CDH13: variants seen among roughly 807,000 people sequenced by gnomAD.
The protein encoded by CDH13 is cadherin-13.
CDH13 carries 24 observed loss-of-function variants against 63.8 expected under a neutral mutation model. The observed-to-expected ratio is 0.38, with a 90% CI of 0.27 to 0.53. The LOEUF is 0.53. Ranked by LOEUF, CDH13 falls within the 20% of genes least tolerant of loss-of-function variation. The pLI, the probability that CDH13 is intolerant of heterozygous loss-of-function variation, is 0.85. For missense variants in CDH13, 1,049 were observed against 903.1 expected (o/e 1.16, Z -2.07); for synonymous variants, 503 against 355.3 (o/e 1.42, Z -4.67).
Position 83,458,445 on chromosome 16 carries a change from C to T in CDH13, c.782-28032C>T, listed in dbSNP as rs560800490. ...GTGTAGTCCTCTTATATTTTCCTTT[C>T]CTTAAATATAACTACATATCTACAG... On this transcript the variant is annotated intron_variant, in intron 6 of 13. Coordinates refer to ENST00000567109, the MANE Select transcript of CDH13 (RefSeq NM_001257.5). Among the ~76,000 whole-genome samples, 18 of 152,262 alleles carry T rather than the reference C, an allele frequency of 1.2e-4. 1 individual carries two copies. In the South Asian group the frequency reaches 3.7e-3, roughly 32 times the overall value.
rs189802598 is a variant in CDH13 at position 83,042,119 on chromosome 16, G to A, written c.366+9901G>A. 2.1e-3 allele frequency among the ~76,000 whole-genome samples: 317 copies of A among 152,274 alleles called. 1 individual carries two copies. The highest frequency in any genetic ancestry group is 0.017 in the Middle Eastern group (5 of 294). On this transcript the variant is annotated intron_variant, in intron 3 of 13. Coordinates refer to ENST00000567109, the MANE Select transcript of CDH13 (RefSeq NM_001257.5). ...ATCTAACCTTCAAGACACCCGACAC[G>A]CTGCAGACATGTGACTTTACTTTAT...
intron 10 of CDH13, among the ~76,000 whole-genome samples, chr16:83,693,018 G>A (rs1209009069): frequency 1.3e-5 from 2 of 152,214 alleles, no homozygotes; most frequent in Non-Finnish European, 2.9e-5. Flanking sequence ...GGGAGGCAGA[G>A]GTTGTGGTGA....
intron 1 of CDH13, among the ~76,000 whole-genome samples, chr16:82,725,876 A>T (rs1397525456): frequency 1.3e-5 from 2 of 152,132 alleles, no homozygotes; most frequent in Non-Finnish European, 2.9e-5. Flanking sequence ...TTCTCCAGTT[A>T]CCTTTCTGTT....
At chr16:83,620,676 A>G (rs1909731095) in intron 8 of CDH13, among the ~76,000 whole-genome samples, 1 of 152,190 alleles carries the variant, frequency 6.6e-6, no homozygotes, top group Admixed American at 6.5e-5. Flanking sequence ...TCCAGCAAAG[A>G]GGGTCTTGTT....
chr16:83,430,924 G>A (rs952996891), intron 6 of CDH13, among the ~76,000 whole-genome samples: 6 of 151,078 alleles, frequency 4.0e-5, no homozygotes, highest in East Asian at 2.0e-4. Context: ...CCACTAACTC[G>A]TCATCTAGCA....
chr16:83,494,394 A>G (rs2074088909), intron 7 of CDH13, among the ~76,000 whole-genome samples: 1 of 152,208 alleles, frequency 6.6e-6, no homozygotes, highest in Non-Finnish European at 1.5e-5. Flanking sequence ...ATTGAACTTA[A>G]ATAACATTGT....
intron 7 of CDH13, among the ~76,000 whole-genome samples, chr16:83,498,633 A>C (rs1391876064): frequency 6.7e-6 from 1 of 149,558 alleles, no homozygotes; most frequent in Non-Finnish European, 1.5e-5. Context: ...TAGAGACCTC[A>C]ATGTCACTAA....
intron 1 of CDH13, among the ~76,000 whole-genome samples, chr16:82,794,402 T>C (rs1316170320): frequency 3.2e-5 from 4 of 124,666 alleles, no homozygotes; most frequent in African/African-American, 1.0e-4. Flanking sequence ...AAGGAATTTT[T>C]TTTTCTTTTC....
chr16:82,776,294 AAAG>A (rs1306900933), intron 1 of CDH13, among the ~76,000 whole-genome samples: 1 of 152,108 alleles, frequency 6.6e-6, no homozygotes, highest in Admixed American at 6.5e-5. Context: ...GGAAGGAAGG[AAAG>A]AAGGAGAGAA....
At chr16:83,291,527 T>C (rs532038260) in intron 5 of CDH13, among the ~76,000 whole-genome samples, 1 of 152,218 alleles carries the variant, frequency 6.6e-6, no homozygotes, top group South Asian at 2.1e-4. Context: ...GTCCTCAGAA[T>C]AGCATTTGCG....
At chr16:83,794,969 G>C (rs768654371) in intron 13 of CDH13, 54 bp from the exon 14 acceptor site, 41 of 1,544,402 alleles carry the variant, frequency 2.7e-5, no homozygotes, top group Admixed American at 2.0e-4. Flanking sequence ...TAGCTAAAAT[G>C]TTTTGAATTG....
chr16:83,458,360 C>T (rs554790729), intron 6 of CDH13, among the ~76,000 whole-genome samples: 1 of 152,168 alleles, frequency 6.6e-6, no homozygotes, highest in Non-Finnish European at 1.5e-5. Flanking sequence ...TTAAAATGAG[C>T]CTTCCACCTC....
At chr16:83,139,693 C>T (rs1389753015) in intron 4 of CDH13, among the ~76,000 whole-genome samples, 2 of 152,002 alleles carry the variant, frequency 1.3e-5, no homozygotes, top group Admixed American at 1.3e-4. Context: ...GAAAAATACA[C>T]ATTGAAAAAT....
chr16:83,024,035 A>G (rs1915581509), intron 2 of CDH13, among the ~76,000 whole-genome samples: 1 of 152,106 alleles, frequency 6.6e-6, no homozygotes, highest in Non-Finnish European at 1.5e-5. Context: ...TTTATATTAA[A>G]TAAATTATTT....
At chr16:83,711,264 A>G (rs995809759) in intron 10 of CDH13, among the ~76,000 whole-genome samples, 1 of 152,224 alleles carries the variant, frequency 6.6e-6, no homozygotes, top group Non-Finnish European at 1.5e-5. Context: ...AGTGGGCTGA[A>G]GGAATAAAAG....
chr16:82,985,505 C>T (rs763337900), intron 2 of CDH13, among the ~76,000 whole-genome samples: 1 of 152,136 alleles, frequency 6.6e-6, no homozygotes, highest in Non-Finnish European at 1.5e-5. Flanking sequence ...TTTCCTCCTC[C>T]TTTCTCTTGC....
intron 6 of CDH13, among the ~76,000 whole-genome samples, chr16:83,390,735 C>A (rs1396769498): frequency 1.3e-5 from 2 of 152,176 alleles, no homozygotes; most frequent in Non-Finnish European, 2.9e-5. Flanking sequence ...CTCAGTTCAA[C>A]CTTAGACATG....
At position 83,014,332 on chromosome 16, in the gene CDH13, A is replaced by AC. The variant is rs1441014815; in HGVS notation, c.158-17678_158-17677insC. Among the ~76,000 whole-genome samples the AC allele has an allele frequency of 6.6e-5, 10 of 151,820 alleles. 1 individual carries two copies. Among genetic ancestry groups the AC allele is most frequent in the African/African-American group, 2.4e-4 (10 of 41,470 alleles). Reference sequence around the variant, plus strand: ...AGCCCAAATCGATAAAAAAAAAAAAAAAAAAAAAAAACTTAGCATCTAACT... The same window carrying AC: ...AGCCCAAATCGATAAAAAAAAAAAAACAAAAAAAAAAACTTAGCATCTAACT... On this transcript the variant is annotated intron_variant, in intron 2 of 13. Coordinates refer to ENST00000567109, the MANE Select transcript of CDH13 (RefSeq NM_001257.5).
chr16:82,815,864 G>A (rs2037679787), intron 1 of CDH13, among the ~76,000 whole-genome samples: 1 of 152,130 alleles, frequency 6.6e-6, no homozygotes, highest in Admixed American at 6.5e-5. Context: ...TTAATTATAG[G>A]CACTTTAACA....
Sources: gnomAD v4.1 joint callset for allele counts (sites outside exome capture counted in the v4.1 genomes callset) on GRCh38, gnomAD v4.1.1 for gene constraint, MANE v1.5 for transcripts, NCBI Gene and HGNC (gene_info 2026-07-23, HGNC 2026-07-21) for gene names.